ATF7IP2: variants seen among roughly 807,000 people sequenced by gnomAD.
The protein encoded by ATF7IP2 is activating transcription factor 7 interacting protein 2.
In ATF7IP2, 42 loss-of-function variants were observed where a neutral mutation model predicts 64.2. The observed-to-expected ratio is 0.65, with a 90% CI of 0.51 to 0.85. The LOEUF (loss-of-function observed/expected upper bound fraction) is 0.85, where lower values mean the gene tolerates loss of function less well. Ranked by LOEUF, ATF7IP2 falls within the 40% of genes least tolerant of loss-of-function variation. ATF7IP2 has a pLI of 0.00. For synonymous variants in ATF7IP2, 308 were observed against 272.8 expected (o/e 1.13, Z -1.27); for missense variants, 933 against 784.2 (o/e 1.19, Z -2.27).
rs564754982 is a variant in ATF7IP2, at chr16:10,406,177, C to G, written c.-241-8397C>G. Among the ~76,000 whole-genome samples, 5 of 152,172 alleles carry G rather than the reference C, an allele frequency of 3.3e-5. 1 individual carries two copies. The highest frequency in any genetic ancestry group is 1.2e-4 in the African/African-American group (5 of 41,498). ...CTGGAGTGCAGTGGTGCAATCACGG[C>G]TCACCACAGCCTCGACCTCCACAGG... On this transcript the variant is annotated intron_variant, in intron 1 of 13. Transcript: ENST00000562102.
At chr16:10,413,124 A>G (rs2353905) in intron 1 of ATF7IP2, among the ~76,000 whole-genome samples, 120,279 of 152,048 alleles carry the variant, frequency 0.79, 48,395 homozygotes, top group African/African-American at 0.94. Context: ...CTGCAAATTC[A>G]TGTCTTTTAA....
intron 9 of ATF7IP2, among the ~76,000 whole-genome samples, chr16:10,471,484 C>T (rs574492690): frequency 4.6e-5 from 7 of 152,036 alleles, no homozygotes; most frequent in African/African-American, 1.4e-4. Context: ...GCCAAGATTG[C>T]GCCACTGCAC....
At chr16:10,458,777 C>T (rs1177480155) in intron 9 of ATF7IP2, among the ~76,000 whole-genome samples, 1 of 152,170 alleles carries the variant, frequency 6.6e-6, no homozygotes, top group African/African-American at 2.4e-5. Flanking sequence ...AAATTACAGC[C>T]TGCTTTAAAC....
intron 1 of ATF7IP2, among the ~76,000 whole-genome samples, chr16:10,409,886 G>C (rs1300863672): frequency 1.3e-5 from 2 of 152,198 alleles, no homozygotes; most frequent in Admixed American, 1.3e-4. Flanking sequence ...TCAGTTGACT[G>C]TAAGTATTTG....
intron 10 of ATF7IP2, among the ~76,000 whole-genome samples, chr16:10,472,963 A>G (rs1281595892): frequency 6.6e-6 from 1 of 151,886 alleles, no homozygotes; most frequent in Admixed American, 6.6e-5. Flanking sequence ...AAAATTCCCC[A>G]TTTTCATTTC....
intron 9 of ATF7IP2, among the ~76,000 whole-genome samples, chr16:10,467,001 GT>G (rs1286598499): frequency 6.6e-6 from 1 of 151,492 alleles, no homozygotes; most frequent in East Asian, 1.9e-4. Context: ...CTGAAAAATT[GT>G]TGAGGCTGTA....
At chr16:10,397,972 A>G (rs73512961) in intron 1 of ATF7IP2, among the ~76,000 whole-genome samples, 2,805 of 152,234 alleles carry the variant, frequency 0.018, 76 homozygotes, top group African/African-American at 0.064. Flanking sequence ...AACCACTATG[A>G]AATATCACAT....
At chr16:10,458,915 G>C (rs1380918923) in intron 9 of ATF7IP2, among the ~76,000 whole-genome samples, 2 of 152,226 alleles carry the variant, frequency 1.3e-5, no homozygotes, top group African/African-American at 4.8e-5. Flanking sequence ...GCTGGGCGCG[G>C]TGGCTCACGC....
intron 3 of ATF7IP2, among the ~76,000 whole-genome samples, chr16:10,422,125 A>G (rs1026731450): frequency 6.6e-6 from 1 of 152,194 alleles, no homozygotes; most frequent in Non-Finnish European, 1.5e-5. Flanking sequence ...TGTTGGAGCT[A>G]TGTGTCCTTT....
intron 2 of ATF7IP2, among the ~76,000 whole-genome samples, chr16:10,416,582 CAGGAGT>C (rs1181912505): frequency 1.3e-5 from 2 of 152,094 alleles, no homozygotes; most frequent in Non-Finnish European, 2.9e-5. Context: ...CACCTGAGGC[CAGGAGT>C]TCAAGACCAG....
chr16:10,448,591 T>A (rs1398604200), intron 8 of ATF7IP2: 1 of 152,190 alleles, frequency 6.6e-6, no homozygotes, highest in Non-Finnish European at 1.5e-5. Context: ...ATGCTTGTGA[T>A]TTTTGCACAT....
At chr16:10,480,581 A>C (rs967467378) in intron 12 of ATF7IP2, among the ~76,000 whole-genome samples, 7 of 151,012 alleles carry the variant, frequency 4.6e-5, no homozygotes, top group Admixed American at 2.0e-4. Flanking sequence ...GCCTAACGAG[A>C]AAATTTGCCT....
Position 10,482,506 on chromosome 16 carries a change from C to T in ATF7IP2, c.*257C>T. On this transcript the variant is annotated 3_prime_UTR_variant, in exon 14 of 14. Coordinates refer to ENST00000562102, the MANE Select transcript of ATF7IP2 (RefSeq NM_001393719.1). ...TGCTGAGGTGCATTGTGAACAATACCTTTAGTGACTGTGGAACTGCTGCTT... is the reference window on the plus strand; with the variant it reads ...TGCTGAGGTGCATTGTGAACAATACTTTTAGTGACTGTGGAACTGCTGCTT... 3.6e-6 allele frequency: 1 copy of T among 278,562 alleles called. No individual in the cohort carries two copies. Among genetic ancestry groups the T allele is most frequent in the Non-Finnish European group, 6.7e-6 (1 of 150,046 alleles). The allele number at this position is 278,562 out of a possible 1,614,324, so 17.3% of individuals were successfully genotyped here.
chr16:10,451,606 C>G (rs1428468987), intron 8 of ATF7IP2, among the ~76,000 whole-genome samples: 1 of 151,914 alleles, frequency 6.6e-6, no homozygotes, highest in Non-Finnish European at 1.5e-5. Context: ...TCCGCTTGAT[C>G]AGTTCAGCTG....
chr16:10,459,231 G>A (rs745528000), intron 9 of ATF7IP2, among the ~76,000 whole-genome samples: 1 of 152,098 alleles, frequency 6.6e-6, no homozygotes, highest in African/African-American at 2.4e-5. Context: ...CACTTTCGGA[G>A]GCCTAGGTGG....
chr16:10,431,229 A>C lies in ATF7IP2; in HGVS notation c.609A>C (p.Thr203=), dbSNP rs1338038746. 17 of 1,614,090 alleles carry C rather than the reference A, an allele frequency of 1.1e-5. No homozygotes were observed. The South Asian group carries it at 1.9e-4, about 18-fold the overall frequency. ...KTDQMVFHLE[T]NSNSESHDKR... is the part of the protein sequence containing the mutation. ...ACCAGATGGTTTTCCATTTAGAAAC[A>C]AACTCCAATTCAGAATCACATGATA... The change falls in exon 5 of 14, where the codon ACA becomes ACC. Residue 203 remains threonine (T), a synonymous_variant. Transcript: ENST00000562102.
Position 10,457,400 on chromosome 16 carries a change from A to T in ATF7IP2, c.1223A>T (p.Asp408Val), listed in dbSNP as rs1383606839. 6.2e-7 allele frequency: 1 copy of T among 1,607,784 alleles called. No individual in the cohort carries two copies. Among genetic ancestry groups the T allele is most frequent in the Non-Finnish European group, 8.5e-7 (1 of 1,178,146 alleles). The change falls in exon 9 of 14, where the codon GAT becomes GTT. Residue 408 changes from aspartate (D) to valine (V), a missense_variant. Physicochemically the swap from Asp to Val is radical, Grantham distance 152. Transcript: ENST00000562102. The stretch of plus-strand genomic sequence containing the variant: ...GCAAATTCAGAGGCTATGATTTTGG[A>T]TAAGAATCTTGAGTCAGTTAATAGT... ...KVANSEAMIL[D>V]KNLESVNSPI...
Position 10,482,265 on chromosome 16 carries a change from G to A in ATF7IP2, c.*16G>A, listed in dbSNP as rs1377660235. The A allele has an allele frequency of 4.6e-6, 7 of 1,509,588 alleles. No individual in the cohort carries two copies. Among genetic ancestry groups the A allele is most frequent in the African/African-American group, 1.4e-5 (1 of 71,132 alleles). The allele number at this position is 1,509,588 out of a possible 1,614,324, so 93.5% of individuals were successfully genotyped here. A position where few individuals can be genotyped will look rare whatever the true frequency, so the allele number is the denominator to read the frequency against. ...TCTTACGTAAAAGGTGTTTAATAAT[G>A]ATATACTACTTTTTTTTTCATATTT... On this transcript the variant is annotated 3_prime_UTR_variant, in exon 14 of 14. Coordinates refer to ENST00000562102, the MANE Select transcript of ATF7IP2 (RefSeq NM_001393719.1).
chr16:10,440,387 A>G lies in ATF7IP2; in HGVS notation c.1119A>G (p.Arg373=). 1.9e-6 allele frequency: 3 copies of G among 1,553,610 alleles called. No individual in the cohort carries two copies. Among genetic ancestry groups the G allele is most frequent in the Non-Finnish European group, 2.6e-6 (3 of 1,155,094 alleles). The change falls in exon 8 of 14, where the codon AGA becomes AGG. Residue 373 remains arginine (R), a synonymous_variant. Transcript: ENST00000562102. ...KLLAKIAKLQ[R]RIKTVLLFQR... is the part of the protein sequence containing the mutation. ...AGGCAAAAATAGCAAAACTTCAAAG[A>G]CGTATTAAAACAGTATTATTATTTC...
Sources: allele counts gnomAD v4.1 joint callset (sites outside exome capture counted in the v4.1 genomes callset), GRCh38; gene constraint gnomAD v4.1.1; transcripts MANE v1.5; gene names NCBI Gene and HGNC (gene_info 2026-07-23, HGNC 2026-07-21).